KCNV1: variants seen among roughly 807,000 people sequenced by gnomAD.
KCNV1 encodes potassium voltage-gated channel subfamily V member 1.
In KCNV1, 2 loss-of-function variants were observed where a neutral mutation model predicts 36.4. That is an observed-to-expected ratio of 0.05 (90% CI 0.02 to 0.17). KCNV1 has a LOEUF of 0.17. Ranked by LOEUF, KCNV1 falls within the 10% of genes least tolerant of loss-of-function variation. The pLI, the probability that KCNV1 is intolerant of heterozygous loss-of-function variation, is 1.00. For missense variants in KCNV1, 321 were observed against 643.6 expected (o/e 0.50, Z 5.42); for synonymous variants, 280 against 261.1 (o/e 1.07, Z -0.70).
Position 109,966,741 on chromosome 8 carries a change from C to T in KCNV1, c.*1347G>A, listed in dbSNP as rs564949307. 9 of 152,254 alleles carry T rather than the reference C, an allele frequency of 5.9e-5. No individual in the cohort carries two copies. The East Asian group carries it at 1.5e-3, about 26-fold the overall frequency. 9.4% of individuals were successfully genotyped at this position (152,254 alleles called of 1,614,324 possible). A position where few individuals can be genotyped will look rare whatever the true frequency, so the allele number is the denominator to read the frequency against. ...AGTCCTCAATGTTTATTTCTTATCACCATTCACCCCTGGCAAAGAGCCTTC... is the reference window on the plus strand; with the variant it reads ...AGTCCTCAATGTTTATTTCTTATCATCATTCACCCCTGGCAAAGAGCCTTC... On this transcript the variant is annotated 3_prime_UTR_variant, in exon 4 of 4. Transcript: ENST00000524391.
chr8:109,974,634 A>T lies in KCNV1; in HGVS notation c.-246T>A. ...GAAAGAGGAGACAGGGAGCAGAGGA[A>T]GGGTCGCGCTAAGAGAGAGGATCAG... On this transcript the variant is annotated 5_prime_UTR_variant, in exon 2 of 4. Transcript: ENST00000524391. The surrounding 1 kb of genome is among the most constrained non-coding windows in gnomAD (Gnocchi z 6.2). 1.8e-6 allele frequency: 1 copy of T among 566,998 alleles called. No homozygotes were observed. Among genetic ancestry groups the T allele is most frequent in the Non-Finnish European group, 3.1e-6 (1 of 319,998 alleles). The allele number at this position is 566,998 out of a possible 1,614,324, so 35.1% of individuals were successfully genotyped here.
At position 109,967,852 on chromosome 8, in the gene KCNV1, C is replaced by T; in HGVS notation, c.*236G>A. On this transcript the variant is annotated 3_prime_UTR_variant, in exon 4 of 4. Coordinates refer to ENST00000524391, the MANE Select transcript of KCNV1 (RefSeq NM_014379.4). ...ACAATTCAAACATGTTTATATTGGC[C>T]CAGTTGTATTTGGTTGTGTTAATTG... The T allele has an allele frequency of 4.7e-6, 2 of 425,198 alleles. No individual in the cohort carries two copies. The highest frequency in any genetic ancestry group is 3.5e-5 in the East Asian group (1 of 28,464). The allele number at this position is 425,198 out of a possible 1,614,324, so 26.3% of individuals were successfully genotyped here.
rs757377438 is a variant in KCNV1 at position 109,973,976 on chromosome 8, T to C, written c.413A>G (p.Gln138Arg). Residue 138 changes from glutamine (Q) to arginine (R), a missense_variant, in exon 2 of 4, where the codon CAG becomes CGG. Around this residue, in one of 5 missense-constraint regions of KCNV1, gnomAD observed 60 missense variants for 160.5 expected, o/e 0.37. Transcript: ENST00000524391. ...GCTGAGCTCATCGATGCCCCAGTAC[T>C]GGATCTCCTGCAGGAAGGAGAGCGC... ...LCALSFLQEI[Q>R]YWGIDELSID... The C allele has an allele frequency of 5.6e-6, 9 of 1,613,140 alleles. No homozygotes were observed. Among genetic ancestry groups the C allele is most frequent in the Non-Finnish European group, 5.1e-6 (6 of 1,179,928 alleles).
In KCNV1 at chr8:109,974,084, A is replaced by T; in HGVS notation, c.305T>A (p.Phe102Tyr). 6.2e-7 allele frequency: 1 copy of T among 1,613,522 alleles called. No homozygotes were observed. The highest frequency in any genetic ancestry group is 8.5e-7 in the Non-Finnish European group (1 of 1,179,938). The change falls in exon 2 of 4, where the codon TTC becomes TAC. Residue 102 changes from phenylalanine (F) to tyrosine (Y), a missense_variant. Physicochemically the swap from Phe to Tyr is conservative, Grantham distance 22. This residue lies in a region of KCNV1 where 60 missense variants were observed against 160.5 expected (regional missense o/e 0.37). Transcript: ENST00000524391. The surrounding 1 kb of genome is among the most constrained non-coding windows in gnomAD (Gnocchi z 6.2). ...DDANPVDNEY[F>Y]FDRSSQAFRY... is the part of the protein sequence containing the mutation. ...GAACGCCTGCGAGCTGCGGTCGAAG[A>T]AGTACTCGTTGTCCACGGGGTTGGC...
rs764419877 is a variant in KCNV1 at position 109,966,541 on chromosome 8, T to C, written c.*1547A>G. 2 of 152,234 alleles carry C rather than the reference T, an allele frequency of 1.3e-5. No individual in the cohort carries two copies. Among genetic ancestry groups the C allele is most frequent in the Non-Finnish European group, 2.9e-5 (2 of 68,028 alleles). 9.4% of individuals were successfully genotyped at this position (152,234 alleles called of 1,614,324 possible). A position where few individuals can be genotyped will look rare whatever the true frequency, so the allele number is the denominator to read the frequency against. On this transcript the variant is annotated 3_prime_UTR_variant, in exon 4 of 4. Transcript: ENST00000524391. Reference sequence around the variant, plus strand: ...AGAAAACAGGAGGTAGTACATGCGATATTTCATTGATTTTAAGGTGCTTAT... The same window carrying C: ...AGAAAACAGGAGGTAGTACATGCGACATTTCATTGATTTTAAGGTGCTTAT...
intron 2 of KCNV1, 117 bp downstream of exon 2, chr8:109,973,811 T>A: frequency 7.9e-5 from 24 of 304,608 alleles, no homozygotes; most frequent in Middle Eastern, 1.4e-3. Flanking sequence ...TGGCCACACC[T>A]TATTGCTAGG....
Position 109,974,587 on chromosome 8 carries a change from C to T in KCNV1, c.-199G>A. 1 of 586,636 alleles carries T rather than the reference C, an allele frequency of 1.7e-6. No homozygotes were observed. The highest frequency in any genetic ancestry group is 3.0e-6 in the Non-Finnish European group (1 of 331,798). 36.3% of individuals were successfully genotyped at this position (586,636 alleles called of 1,614,324 possible). ...CTGCCGCTAGGGAGCCGGGAGTGCG[C>T]GGAAGCAGCGCACAAGTGGCAGAAA... On this transcript the variant is annotated 5_prime_UTR_variant, in exon 2 of 4. Transcript: ENST00000524391. The surrounding 1 kb of genome is among the most constrained non-coding windows in gnomAD (Gnocchi z 6.2).
rs758671213 is a variant in KCNV1 at position 109,968,153 on chromosome 8, G to T, written c.1438C>A (p.Leu480Met). 4 of 1,614,102 alleles carry T rather than the reference G, an allele frequency of 2.5e-6. No homozygotes were observed. Among genetic ancestry groups the T allele is most frequent in the Non-Finnish European group, 3.4e-6 (4 of 1,180,002 alleles). Residue 480 changes from leucine to methionine, a missense_variant, in exon 4 of 4, where the codon CTG (leucine) becomes ATG (methionine). Coordinates refer to ENST00000524391, the MANE Select transcript of KCNV1 (RefSeq NM_014379.4). This position sits in a 1 kb window ranked among gnomAD's most constrained non-coding sequence, Gnocchi z 5.3. ...DVYARSIMEM[L>M]RLKGRERAST... ...GCTCTTTCTCTGCCTTTCAGTCGCA[G>T]CATCTCCATGATACTCCGGGCATAG... is the stretch of plus-strand genomic sequence containing the variant.
chr8:109,974,564 G>A lies in KCNV1; in HGVS notation c.-176C>T. On this transcript the variant is annotated 5_prime_UTR_variant, in exon 2 of 4. Coordinates refer to ENST00000524391, the MANE Select transcript of KCNV1 (RefSeq NM_014379.4). This position sits in a 1 kb window ranked among gnomAD's most constrained non-coding sequence, Gnocchi z 6.2. ...ACCCGCTGTGCGCCTTCCTCCTCCT[G>A]CCGCTAGGGAGCCGGGAGTGCGCGG... 1 of 596,116 alleles carries A rather than the reference G, an allele frequency of 1.7e-6. No homozygotes were observed. Among genetic ancestry groups the A allele is most frequent in the Non-Finnish European group, 3.0e-6 (1 of 338,204 alleles). The allele number at this position is 596,116 out of a possible 1,614,324, so 36.9% of individuals were successfully genotyped here.
In KCNV1 at chr8:109,972,226, CA is replaced by C. The variant is rs1820020226; in HGVS notation, c.991+31del. 6.5e-7 allele frequency: 1 copy of C among 1,538,998 alleles called. No individual in the cohort carries two copies. The highest frequency in any genetic ancestry group is 1.4e-5 in the African/African-American group (1 of 72,330). On this transcript the variant is annotated intron_variant, in intron 3 of 3. Coordinates refer to ENST00000524391, the MANE Select transcript of KCNV1 (RefSeq NM_014379.4). The surrounding 1 kb of genome is among the most constrained non-coding windows in gnomAD (Gnocchi z 5.2). ...AAAAACGAATGCTTACATGCAATGG[CA>C]AATTAAAAGGCATCAGTGAAATGTG... is the stretch of plus-strand genomic sequence containing the variant.
chr8:109,970,381 A>T (rs1819995506), intron 3 of KCNV1, among the ~76,000 whole-genome samples: 1 of 152,212 alleles, frequency 6.6e-6, no homozygotes, highest in South Asian at 2.1e-4. Context: ...AGGAAAACAA[A>T]GTGGGTGGAA....
rs1819953652 is a variant in KCNV1, at chr8:109,967,203, T to C, written c.*885A>G. The C allele has an allele frequency of 6.6e-6, 1 of 152,208 alleles. No individual in the cohort carries two copies. The highest frequency in any genetic ancestry group is 1.5e-5 in the Non-Finnish European group (1 of 68,030). 9.4% of individuals were successfully genotyped at this position (152,208 alleles called of 1,614,324 possible). On this transcript the variant is annotated 3_prime_UTR_variant, in exon 4 of 4. Transcript: ENST00000524391. Reference sequence around the variant, plus strand: ...GATGTCATTTAACATATATTTCCCATTTTATGAAATAAGATTATTTAGTAA... The same window carrying C: ...GATGTCATTTAACATATATTTCCCACTTTATGAAATAAGATTATTTAGTAA...
chr8:109,969,826 T>C (rs890800383), intron 3 of KCNV1, among the ~76,000 whole-genome samples: 19 of 130,364 alleles, frequency 1.5e-4, no homozygotes, highest in African/African-American at 5.5e-4. Flanking sequence ...GCCTGGGCAA[T>C]AGAATGAGAC....
Position 109,963,753 on chromosome 8 carries a change from C to T in KCNV1, c.*4335G>A, listed in dbSNP as rs569611440. On this transcript the variant is annotated 3_prime_UTR_variant, in exon 4 of 4. Coordinates refer to ENST00000524391, the MANE Select transcript of KCNV1 (RefSeq NM_014379.4). ...TGCATCTAATCCATTATACTTGATA[C>T]TACTTTGCATTAAAATGATAAATGC... is the stretch of plus-strand genomic sequence containing the variant. The T allele has an allele frequency of 4.6e-5, 7 of 152,228 alleles. No homozygotes were observed. In the South Asian group the frequency reaches 1.4e-3, roughly 32 times the overall value. The allele number at this position is 152,228 out of a possible 1,614,324, so 9.4% of individuals were successfully genotyped here. A position where few individuals can be genotyped will look rare whatever the true frequency, so the allele number is the denominator to read the frequency against.
intron 1 of KCNV1, 150 bp downstream of exon 1, chr8:109,975,469 G>A (rs1336213666): frequency 6.6e-6 from 1 of 152,240 alleles, no homozygotes; most frequent in East Asian, 1.9e-4. Context: ...AAATAGTAAC[G>A]ACGGCCTCCC....
At position 109,974,170 on chromosome 8, in the gene KCNV1, A is replaced by G. The variant is rs371539902; in HGVS notation, c.219T>C (p.Ala73=). The G allele has an allele frequency of 2.5e-6, 4 of 1,600,396 alleles. No homozygotes were observed. The highest frequency in any genetic ancestry group is 2.6e-6 in the Non-Finnish European group (3 of 1,174,194). ...TRLGKLAVVV[A]SYRRPGALAA... Reference sequence around the variant, plus strand: ...CCAGGGCCCCGGGGCGGCGGTAGGAAGCCACCACCACGGCCAGCTTGCCAA... The same window carrying G: ...CCAGGGCCCCGGGGCGGCGGTAGGAGGCCACCACCACGGCCAGCTTGCCAA... Residue 73 remains alanine (A), a synonymous_variant, in exon 2 of 4, where the codon GCT becomes GCC. Coordinates refer to ENST00000524391, the MANE Select transcript of KCNV1 (RefSeq NM_014379.4). The surrounding 1 kb of genome is among the most constrained non-coding windows in gnomAD (Gnocchi z 6.2).
At position 109,973,942 on chromosome 8, in the gene KCNV1, G is replaced by A. The variant is rs1176465223; in HGVS notation, c.447C>T (p.Ser149=). ...CTCCGGGGTACCTGTCCCTGCAGCA[G>A]GAATCGATGCTGAGCTCATCGATGC... ...YWGIDELSID[S]CCRDRYFRRK... The change falls in exon 2 of 4, where the codon TCC becomes TCT. Residue 149 remains serine (S), a synonymous_variant. Coordinates refer to ENST00000524391, the MANE Select transcript of KCNV1 (RefSeq NM_014379.4). 6 of 1,604,102 alleles carry A rather than the reference G, an allele frequency of 3.7e-6. No homozygotes were observed. The highest frequency in any genetic ancestry group is 1.3e-5 in the African/African-American group (1 of 74,674).
In KCNV1 at chr8:109,964,275, C is replaced by G. The variant is rs190536024; in HGVS notation, c.*3813G>C. The G allele has an allele frequency of 1.3e-5, 2 of 151,210 alleles. No individual in the cohort carries two copies. The highest frequency in any genetic ancestry group is 4.9e-5 in the African/African-American group (2 of 41,054). 9.4% of individuals were successfully genotyped at this position (151,210 alleles called of 1,614,324 possible). ...TCAATATCACTGATCATTAGAGAAA[C>G]GCAAATCAAAACCATAATGAGATAC... is the stretch of plus-strand genomic sequence containing the variant. On this transcript the variant is annotated 3_prime_UTR_variant, in exon 4 of 4. Coordinates refer to ENST00000524391, the MANE Select transcript of KCNV1 (RefSeq NM_014379.4).
In KCNV1 at chr8:109,974,656, T is replaced by A; in HGVS notation, c.-268A>T. 1.9e-6 allele frequency: 1 copy of A among 532,548 alleles called. No individual in the cohort carries two copies. Among genetic ancestry groups the A allele is most frequent in the Non-Finnish European group, 3.3e-6 (1 of 300,590 alleles). The allele number at this position is 532,548 out of a possible 1,614,324, so 33.0% of individuals were successfully genotyped here. On this transcript the variant is annotated 5_prime_UTR_variant, in exon 2 of 4. Transcript: ENST00000524391. This position sits in a 1 kb window ranked among gnomAD's most constrained non-coding sequence, Gnocchi z 6.2. ...GGAAGGGTCGCGCTAAGAGAGAGGATCAGGTGAGGTCCAAGCCCGACACAG... is the reference window on the plus strand; with the variant it reads ...GGAAGGGTCGCGCTAAGAGAGAGGAACAGGTGAGGTCCAAGCCCGACACAG...
Sources: allele counts gnomAD v4.1 joint callset (sites outside exome capture counted in the v4.1 genomes callset), GRCh38; gene constraint gnomAD v4.1.1; regional missense constraint gnomAD v4.1.1; non-coding constraint Gnocchi (gnomAD v3.1); transcripts MANE v1.5; gene names NCBI Gene and HGNC (gene_info 2026-07-23, HGNC 2026-07-21).